MCF2: variants seen among roughly 807,000 people sequenced by gnomAD.
MCF2 encodes MCF.2 cell line derived transforming sequence.
MCF2 carries 44 observed loss-of-function variants against 82.5 expected under a neutral mutation model. The observed-to-expected ratio is 0.53, with a 90% confidence interval of 0.42 to 0.69. The LOEUF (loss-of-function observed/expected upper bound fraction) is 0.69, where lower values mean the gene tolerates loss of function less well. MCF2 is among the 30% of genes least tolerant of loss of function. The pLI is 0.00. For synonymous variants in MCF2, 217 were observed against 224.9 expected (o/e 0.96, Z 0.32); for missense variants, 623 against 663.1 (o/e 0.94, Z 0.66).
chrX:139,596,644 A>C (rs1311655803), exon 19 of MCF2: 4 of 1,209,664 alleles, frequency 3.3e-6, no homozygotes, highest in Non-Finnish European at 3.4e-6. Context: ...TTTTCATACA[A>C]GAAAAGGTGT....
At chrX:139,692,324 C>T (rs1892240207) in intron 1 of MCF2, among the ~76,000 whole-genome samples, 1 of 111,577 alleles carries the variant, frequency 9.0e-6, no homozygotes, top group South Asian at 3.7e-4. Flanking sequence ...CCGCGGCCGC[C>T]AGTCCTCCGG....
chrX:139,670,135 T>TTTTTC (rs199925087), intron 1 of MCF2, among the ~76,000 whole-genome samples: 11,257 of 110,885 alleles, frequency 0.1, 1,452 homozygotes, highest in African/African-American at 0.35. Context: ...TGAATGTACT[T>TTTTTC]TTTTCCACTT....
rs930721922 is a variant in MCF2 at position 139,607,679 on chromosome X, A to C, written c.1490+12T>G. 1 of 1,142,708 alleles carries C rather than the reference A, an allele frequency of 8.8e-7. No homozygotes were observed. The highest frequency in any genetic ancestry group is 2.2e-5 in the Admixed American group (1 of 44,997). 94.2% of individuals were successfully genotyped at this position (1,142,708 alleles called of 1,213,427 possible). ...ATGTGTATGTGAGTTTATATTAATA[A>C]ATAAAGGATACTTCTTTAAAACATC... On this transcript the variant is annotated intron_variant, in intron 12 of 24. Transcript: ENST00000370576.
chrX:139,692,035 T>G (rs1329371396), intron 1 of MCF2: 1 of 1,165,789 alleles, frequency 8.6e-7, no homozygotes, highest in South Asian at 1.9e-5. Flanking sequence ...GCTATCGGCA[T>G]GAAAGTGCAG....
upstream of MCF2, chrX:139,642,932 T>A: frequency 1.9e-6 from 1 of 519,214 alleles, no homozygotes; most frequent in Non-Finnish European, 2.4e-6. Context: ...GTTTGATTTT[T>A]AAGGTGGAAT....
intron 1 of MCF2, among the ~76,000 whole-genome samples, chrX:139,693,510 ACAC>A (rs1935320541): frequency 9.2e-6 from 1 of 109,228 alleles, no homozygotes; most frequent in African/African-American, 3.4e-5. Flanking sequence ...ACACACACAC[ACAC>A]ATGTCCCCCC....
At chrX:139,622,186 T>G (rs1417981638) in intron 6 of MCF2, among the ~76,000 whole-genome samples, 1 of 111,807 alleles carries the variant, frequency 8.9e-6, no homozygotes, top group Non-Finnish European at 1.9e-5. Flanking sequence ...TGAGATACCA[T>G]CTCACACAAG....
chrX:139,664,007 T>C (rs1278207561), intron 1 of MCF2, among the ~76,000 whole-genome samples: 1 of 111,024 alleles, frequency 9.0e-6, no homozygotes, highest in East Asian at 2.8e-4. Flanking sequence ...TGTTTTGTTT[T>C]TTGTTTTTGT....
At chrX:139,631,395 A>C in exon 3 of MCF2, 2 of 1,151,255 alleles carry the variant, frequency 1.7e-6, no homozygotes, top group Non-Finnish European at 2.4e-6. Flanking sequence ...GACAACATAC[A>C]TTTCTGAAGA....
Position 139,635,829 on chromosome X carries a change from A to C in MCF2, c.52-3375T>G, listed in dbSNP as rs111781770. On this transcript the variant is annotated intron_variant, in intron 1 of 24. Transcript: ENST00000370576. ...CATATTATTCCTTCACCTAGGTATT[A>C]AGCTCAGTACCCAATAGTGATCTTT... 9.2e-3 allele frequency among the ~76,000 whole-genome samples: 1,009 copies of C among 110,187 alleles called. 14 individuals are homozygous for C. Among genetic ancestry groups the C allele is most frequent in the African/African-American group, 0.03 (898 of 30,275 alleles).
At chrX:139,673,937 T>C (rs374851422) in intron 1 of MCF2, among the ~76,000 whole-genome samples, 3 of 111,471 alleles carry the variant, frequency 2.7e-5, no homozygotes, top group East Asian at 2.8e-4. Flanking sequence ...CCCATTATTA[T>C]TGTGTGGGAA....
chrX:139,705,859 A>T (rs1935580583), intron 1 of MCF2, among the ~76,000 whole-genome samples: 1 of 112,506 alleles, frequency 8.9e-6, no homozygotes, highest in Non-Finnish European at 1.9e-5. Context: ...AACTTGAAAA[A>T]ATTAACAAGT....
At chrX:139,599,114 T>C (rs1234904569) in intron 16 of MCF2, among the ~76,000 whole-genome samples, 1 of 108,826 alleles carries the variant, frequency 9.2e-6, no homozygotes, top group Non-Finnish European at 1.9e-5. Context: ...CACAAAGGGA[T>C]TGGGGAAAAA....
At chrX:139,686,693 A>G (rs966654680) in intron 1 of MCF2, among the ~76,000 whole-genome samples, 3 of 110,864 alleles carry the variant, frequency 2.7e-5, no homozygotes, top group Non-Finnish European at 5.7e-5. Flanking sequence ...TTTCTCTCAT[A>G]CTCCATATCC....
intron 1 of MCF2, among the ~76,000 whole-genome samples, chrX:139,666,298 C>T (rs1250773404): frequency 9.3e-6 from 1 of 107,991 alleles, no homozygotes; most frequent in South Asian, 4.2e-4. Flanking sequence ...CTTCTACTCT[C>T]TATGCTTATG....
At chrX:139,616,177 C>T in intron 9 of MCF2, 105 bp downstream of exon 12, 1 of 399,772 alleles carries the variant, frequency 2.5e-6, no homozygotes, top group East Asian at 4.2e-5. Context: ...AATGTAAGTG[C>T]AATTTGACAT....
chrX:139,600,274 G>T (rs913598033), intron 16 of MCF2, among the ~76,000 whole-genome samples: 1 of 111,173 alleles, frequency 9.0e-6, no homozygotes, highest in South Asian at 3.8e-4. Context: ...TTAAAAGGGC[G>T]AACTGATGGC....
chrX:139,621,664 C>T (rs1434386157), intron 6 of MCF2, among the ~76,000 whole-genome samples: 1 of 111,536 alleles, frequency 9.0e-6, no homozygotes, highest in Non-Finnish European at 1.9e-5. Context: ...GCTGGGAAAA[C>T]TGGCTAGCCA....
intron 1 of MCF2, among the ~76,000 whole-genome samples, chrX:139,685,826 T>C (rs1935108707): frequency 9.0e-6 from 1 of 111,288 alleles, no homozygotes; most frequent in Non-Finnish European, 1.9e-5. Context: ...TTCAGGGCAA[T>C]ATTATTGATA....
Sources: gnomAD v4.1 joint callset for allele counts (sites outside exome capture counted in the v4.1 genomes callset) on GRCh38, gnomAD v4.1.1 for gene constraint, MANE v1.5 for transcripts, NCBI Gene and HGNC (gene_info 2026-07-23, HGNC 2026-07-21) for gene names.